Variants in HTR1F observed in about 807,000 individuals in gnomAD.
HTR1F encodes 5-hydroxytryptamine (serotonin) receptor 1F, G protein-coupled.
In HTR1F, 17 loss-of-function variants were observed where a neutral mutation model predicts 24.0. The ratio of observed to expected loss-of-function variants is 0.71; its 90% CI spans 0.48 to 1.06. HTR1F has a LOEUF of 1.06. Ranked by LOEUF, HTR1F falls within the 50% of genes least tolerant of loss-of-function variation. The pLI, the probability that HTR1F is intolerant of heterozygous loss-of-function variation, is 0.00. For missense variants in HTR1F, 391 were observed against 427.8 expected (o/e 0.91, Z 0.76); for synonymous variants, 186 against 156.8 (o/e 1.19, Z -1.39).
At chr3:87,909,987 T>G (rs1480295331) in intron 2 of HTR1F, among the ~76,000 whole-genome samples, 1 of 152,098 alleles carries the variant, frequency 6.6e-6, no homozygotes, top group Non-Finnish European at 1.5e-5. Context: ...TAATACAGAC[T>G]AACTACAATC....
At chr3:87,822,242 T>A (rs1170266272) in intron 2 of HTR1F, among the ~76,000 whole-genome samples, 118 bp downstream of exon 2, 2 of 152,134 alleles carry the variant, frequency 1.3e-5, no homozygotes, top group Non-Finnish European at 2.9e-5. Context: ...AAAGTCCATA[T>A]GACTCCTGCT....
chr3:87,834,636 T>C (rs1704646967), intron 2 of HTR1F, among the ~76,000 whole-genome samples: 2 of 152,244 alleles, frequency 1.3e-5, no homozygotes, highest in Middle Eastern at 3.4e-3. Flanking sequence ...TGAAAAACAA[T>C]AGCTTAGACC....
At chr3:87,796,475 C>T (rs761355371) in intron 1 of HTR1F, among the ~76,000 whole-genome samples, 7 of 151,680 alleles carry the variant, frequency 4.6e-5, no homozygotes, top group South Asian at 4.2e-4. Context: ...TTTAGAAGAA[C>T]GGGATTTTAT....
intron 2 of HTR1F, among the ~76,000 whole-genome samples, chr3:87,989,621 T>C (rs1196028319): frequency 6.6e-6 from 1 of 152,158 alleles, no homozygotes; most frequent in Non-Finnish European, 1.5e-5. Context: ...GTTCCTTTAG[T>C]CTCCATAAGC....
At chr3:87,904,501 A>G (rs1703613951) in intron 2 of HTR1F, among the ~76,000 whole-genome samples, 1 of 152,154 alleles carries the variant, frequency 6.6e-6, no homozygotes, top group Non-Finnish European at 1.5e-5. Flanking sequence ...TAAAATGAAT[A>G]AATAAACTGT....
intron 2 of HTR1F, among the ~76,000 whole-genome samples, chr3:87,986,470 A>C (rs1705663914): frequency 6.6e-6 from 1 of 152,046 alleles, no homozygotes; most frequent in Non-Finnish European, 1.5e-5. Context: ...TATAACCCAA[A>C]ATTTTTATTT....
At chr3:87,918,239 C>T (rs569012338) in intron 2 of HTR1F, among the ~76,000 whole-genome samples, 1 of 152,060 alleles carries the variant, frequency 6.6e-6, no homozygotes, top group South Asian at 2.1e-4. Flanking sequence ...TAAAAGCCAT[C>T]TATGACAAAC....
intron 2 of HTR1F, among the ~76,000 whole-genome samples, chr3:87,903,766 C>T (rs1417388724): frequency 6.6e-5 from 10 of 152,158 alleles, no homozygotes; most frequent in Non-Finnish European, 1.3e-4. Context: ...CGAGCCATCC[C>T]ATTACTGGGT....
At chr3:87,972,079 T>A (rs563852306) in intron 2 of HTR1F, among the ~76,000 whole-genome samples, 79 of 152,330 alleles carry the variant, frequency 5.2e-4, no homozygotes, top group Middle Eastern at 6.8e-3. Flanking sequence ...GTTCATTCAT[T>A]TATTAAATAA....
At chr3:87,831,583 C>T (rs1160188682) in intron 2 of HTR1F, among the ~76,000 whole-genome samples, 1 of 151,832 alleles carries the variant, frequency 6.6e-6, no homozygotes, top group Non-Finnish European at 1.5e-5. Flanking sequence ...AGGATGGTCT[C>T]GATTTCCTGA....
chr3:87,962,480 T>G (rs931975562), intron 2 of HTR1F, among the ~76,000 whole-genome samples: 2 of 152,060 alleles, frequency 1.3e-5, no homozygotes, highest in African/African-American at 4.8e-5. Flanking sequence ...ATGAACTTCA[T>G]TATACTTAAG....
At chr3:87,796,134 G>A (rs775839687) in intron 1 of HTR1F, among the ~76,000 whole-genome samples, 38 of 152,188 alleles carry the variant, frequency 2.5e-4, no homozygotes, top group Middle Eastern at 3.2e-3. Flanking sequence ...GTGTTTGCCA[G>A]CCTAGTCTTT....
In HTR1F at chr3:87,814,809, A is replaced by G. The variant is rs373820659; in HGVS notation, c.-159-7199A>G. ...TAGAAAATACTAAATTGAAGTCAGAATATGAATTATAATTAGTAAGGGAAT... is the reference window on the plus strand; with the variant it reads ...TAGAAAATACTAAATTGAAGTCAGAGTATGAATTATAATTAGTAAGGGAAT... On this transcript the variant is annotated intron_variant, in intron 1 of 2. Transcript: ENST00000319595. 2.1e-4 allele frequency among the ~76,000 whole-genome samples: 32 copies of G among 152,306 alleles called. No individual in the cohort carries two copies. In the East Asian group the frequency reaches 5.8e-3, roughly 27 times the overall value.
At chr3:87,973,102 C>T (rs1261807110) in intron 2 of HTR1F, among the ~76,000 whole-genome samples, 9 of 152,070 alleles carry the variant, frequency 5.9e-5, no homozygotes, top group South Asian at 2.1e-4. Context: ...ACCCGGGAGG[C>T]GGAGGTTGCA....
At chr3:87,914,414 C>A (rs1703846782) in intron 2 of HTR1F, among the ~76,000 whole-genome samples, 1 of 152,132 alleles carries the variant, frequency 6.6e-6, no homozygotes, top group Admixed American at 6.6e-5. Context: ...AATCAAATCC[C>A]TTTTCTTTCA....
chr3:87,831,464 G>A (rs1285781382), intron 2 of HTR1F, among the ~76,000 whole-genome samples: 1 of 151,666 alleles, frequency 6.6e-6, no homozygotes, highest in African/African-American at 2.4e-5. Context: ...CCGGCTTCAC[G>A]CCATTCTCCT....
rs536069187 is a variant in HTR1F at position 87,843,020 on chromosome 3, C to T, written c.-43+20896C>T. On this transcript the variant is annotated intron_variant, in intron 2 of 2. Coordinates refer to ENST00000319595, the MANE Select transcript of HTR1F (RefSeq NM_001322209.2). The stretch of plus-strand genomic sequence containing the variant: ...CCCAGTTCGGACAAGCTTGTGTGAC[C>T]TCTATCTTCAAAGCATGCAAAGTCC... Among the ~76,000 whole-genome samples, 69 of 151,890 alleles carry T rather than the reference C, an allele frequency of 4.5e-4. 1 individual carries two copies. The highest frequency in any genetic ancestry group is 1.5e-3 in the African/African-American group (60 of 41,270).
intron 2 of HTR1F, among the ~76,000 whole-genome samples, chr3:87,916,291 C>A (rs1369989404): frequency 1.7e-5 from 2 of 114,666 alleles, no homozygotes; most frequent in Non-Finnish European, 3.9e-5. Context: ...AACAAAAATA[C>A]AGTTAAAAAG....
intron 2 of HTR1F, among the ~76,000 whole-genome samples, chr3:87,823,954 G>A (rs1428458265): frequency 6.6e-6 from 1 of 151,664 alleles, no homozygotes; most frequent in African/African-American, 2.4e-5. Context: ...CTACTCGGGA[G>A]GCTGAGGCAG....
Sources: gnomAD v4.1 joint callset for allele counts (sites outside exome capture counted in the v4.1 genomes callset) on GRCh38, gnomAD v4.1.1 for gene constraint, MANE v1.5 for transcripts, NCBI Gene and HGNC (gene_info 2026-07-23, HGNC 2026-07-21) for gene names.